RIMS1: variants seen among roughly 807,000 people sequenced by gnomAD.
RIMS1 encodes the protein regulating synaptic membrane exocytosis 1.
RIMS1 carries 83 observed loss-of-function variants against 214.1 expected under a neutral mutation model. The ratio of observed to expected loss-of-function variants is 0.39; its 90% confidence interval spans 0.32 to 0.47. The LOEUF (loss-of-function observed/expected upper bound fraction) is 0.47, where lower values mean the gene tolerates loss of function less well. Ranked by LOEUF, RIMS1 falls within the 20% of genes least tolerant of loss-of-function variation. RIMS1 has a pLI of 0.99. For synonymous variants in RIMS1, 793 were observed against 786.8 expected (o/e 1.01, Z -0.13); for missense variants, 2,050 against 2,161.8 (o/e 0.95, Z 1.03).
chr6:72,380,548 T>G (rs757152789), intron 29 of RIMS1, among the ~76,000 whole-genome samples: 15 of 152,216 alleles, frequency 9.9e-5, no homozygotes, highest in Non-Finnish European at 1.9e-4. Flanking sequence ...ATCTGAGGTA[T>G]TAACTTAGAC....
In RIMS1 at chr6:72,097,170, T is replaced by G; in HGVS notation, c.459+8T>G. On this transcript the variant is annotated splice_region_variant and intron_variant, in intron 3 of 33. Coordinates refer to ENST00000521978, the MANE Select transcript of RIMS1 (RefSeq NM_014989.7). Reference sequence around the variant, plus strand: ...TCTCTACGGTCAAACAACGTGAGTATTCCATGAACATAAGGGGCGTTGTGA... The same window carrying G: ...TCTCTACGGTCAAACAACGTGAGTAGTCCATGAACATAAGGGGCGTTGTGA... 1 of 1,612,280 alleles carries G rather than the reference T, an allele frequency of 6.2e-7. No individual in the cohort carries two copies. The highest frequency in any genetic ancestry group is 8.5e-7 in the Non-Finnish European group (1 of 1,178,808).
chr6:71,954,853 C>A (rs1379958416), intron 1 of RIMS1, among the ~76,000 whole-genome samples: 1 of 140,688 alleles, frequency 7.1e-6, no homozygotes, highest in Non-Finnish European at 1.5e-5. Flanking sequence ...TCAGCACACA[C>A]ACACACACAC....
chr6:72,376,280 C>T (rs1477596061), intron 29 of RIMS1, among the ~76,000 whole-genome samples: 1 of 152,096 alleles, frequency 6.6e-6, no homozygotes, highest in East Asian at 1.9e-4. Context: ...TCTGACTACC[C>T]TGCTGTCATC....
At chr6:71,897,804 A>G (rs1481637955) in intron 1 of RIMS1, among the ~76,000 whole-genome samples, 3 of 151,808 alleles carry the variant, frequency 2.0e-5, no homozygotes, top group African/African-American at 7.3e-5. Context: ...ATTTTTTAAA[A>G]TTGTATATGG....
At chr6:72,157,771 G>A (rs2044637131) in intron 4 of RIMS1, among the ~76,000 whole-genome samples, 1 of 140,050 alleles carries the variant, frequency 7.1e-6, no homozygotes, top group African/African-American at 2.5e-5. Context: ...CATACTGTAG[G>A]TGGCACTATA....
At chr6:72,274,488 A>G in intron 23 of RIMS1, 56 bp downstream of exon 23, 1 of 1,322,510 alleles carries the variant, frequency 7.6e-7, no homozygotes, top group Non-Finnish European at 1.1e-6. Context: ...ATAGGCCACC[A>G]ACTGAAGGAT....
rs1375576096 is a variant in RIMS1 at position 71,912,493 on chromosome 6, T to C, written c.164+25306T>C. 2.6e-5 allele frequency among the ~76,000 whole-genome samples: 4 copies of C among 152,284 alleles called. No individual in the cohort carries two copies. The East Asian group carries it at 7.7e-4, about 29-fold the overall frequency. ...TAACTGCTATTAAATTGTAATAGTT[T>C]ATAAAGCCTGAGTGTCTTTAATGAC... is the stretch of plus-strand genomic sequence containing the variant. On this transcript the variant is annotated intron_variant, in intron 1 of 33. Coordinates refer to ENST00000521978, the MANE Select transcript of RIMS1 (RefSeq NM_014989.7).
intron 26 of RIMS1, among the ~76,000 whole-genome samples, chr6:72,292,589 G>T (rs2093559039): frequency 6.6e-6 from 1 of 151,710 alleles, no homozygotes; most frequent in Non-Finnish European, 1.5e-5. Flanking sequence ...CATTTTCTGA[G>T]CAACAAAGAA....
chr6:72,246,683 C>G (rs2069943819), intron 11 of RIMS1, among the ~76,000 whole-genome samples: 1 of 152,096 alleles, frequency 6.6e-6, no homozygotes, highest in Non-Finnish European at 1.5e-5. Flanking sequence ...TGCATACCAT[C>G]ATGTTCTGCT....
At chr6:72,275,856 AG>A (rs1436494186) in intron 23 of RIMS1, among the ~76,000 whole-genome samples, 8 of 152,208 alleles carry the variant, frequency 5.3e-5, no homozygotes, top group African/African-American at 1.7e-4. Flanking sequence ...AGGTCACAAC[AG>A]TGATTAAGAC....
chr6:71,965,315 G>A (rs62407758), intron 1 of RIMS1, among the ~76,000 whole-genome samples: 9 of 152,068 alleles, frequency 5.9e-5, no homozygotes, highest in African/African-American at 1.9e-4. Flanking sequence ...GGGAGGGAGG[G>A]TAGAAGGTAG....
intron 2 of RIMS1, among the ~76,000 whole-genome samples, chr6:72,056,435 T>A (rs549835116): frequency 6.6e-6 from 1 of 152,300 alleles, no homozygotes; most frequent in Admixed American, 6.5e-5. Context: ...AACATAAATT[T>A]AAAAATGTAA....
chr6:72,214,754 C>G (rs1317789361), intron 6 of RIMS1, among the ~76,000 whole-genome samples: 1 of 151,686 alleles, frequency 6.6e-6, no homozygotes, highest in South Asian at 2.1e-4. Flanking sequence ...TGGAATCTTG[C>G]TCTGTCACCC....
chr6:72,022,472 A>G (rs954147220), intron 2 of RIMS1, among the ~76,000 whole-genome samples: 1 of 152,232 alleles, frequency 6.6e-6, no homozygotes, highest in Non-Finnish European at 1.5e-5. Context: ...TACATTAGGT[A>G]CATTTATATT....
chr6:72,247,175 G>T (rs1223236238), intron 11 of RIMS1, among the ~76,000 whole-genome samples: 3 of 152,138 alleles, frequency 2.0e-5, no homozygotes, highest in African/African-American at 4.8e-5. Context: ...CCACCAAGTG[G>T]CTGAGAGGAG....
intron 6 of RIMS1, chr6:72,216,694 G>A: frequency 1.0e-6 from 1 of 985,232 alleles, no homozygotes; most frequent in Non-Finnish European, 1.2e-6. Context: ...TTAATCCATG[G>A]GTATCCCAGT....
At chr6:71,985,479 G>A (rs779248425) in intron 2 of RIMS1, among the ~76,000 whole-genome samples, 8 of 151,838 alleles carry the variant, frequency 5.3e-5, no homozygotes, top group African/African-American at 9.7e-5. Flanking sequence ...TACATGTCAC[G>A]GTCCATGCTC....
intron 22 of RIMS1, among the ~76,000 whole-genome samples, chr6:72,269,962 A>C (rs2082245725): frequency 6.6e-6 from 1 of 152,140 alleles, no homozygotes; most frequent in Non-Finnish European, 1.5e-5. Context: ...ACACACGCAC[A>C]TACTTCCTTT....
chr6:72,085,527 T>C (rs1477059024), intron 2 of RIMS1, among the ~76,000 whole-genome samples: 1 of 152,198 alleles, frequency 6.6e-6, no homozygotes, highest in Non-Finnish European at 1.5e-5. Flanking sequence ...TTTGCATTTA[T>C]GCTTAAAGTT....
Sources: gnomAD v4.1 joint callset for allele counts (sites outside exome capture counted in the v4.1 genomes callset) on GRCh38, gnomAD v4.1.1 for gene constraint, MANE v1.5 for transcripts, NCBI Gene and HGNC (gene_info 2026-07-23, HGNC 2026-07-21) for gene names.